KLRG2: variants seen among roughly 807,000 people sequenced by gnomAD.
KLRG2 encodes the protein killer cell lectin-like receptor subfamily G member 2.
In KLRG2, 39 loss-of-function variants were observed where a neutral mutation model predicts 35.4. That is an observed-to-expected ratio of 1.10 (90% CI 0.85 to 1.44). The LOEUF (loss-of-function observed/expected upper bound fraction) is 1.44, where lower values mean the gene tolerates loss of function less well. KLRG2 is among the 40% of genes most tolerant of loss of function. The pLI, the probability that KLRG2 is intolerant of heterozygous loss-of-function variation, is 0.00. For synonymous variants in KLRG2, 283 were observed against 265.8 expected (o/e 1.06, Z -0.63); for missense variants, 632 against 570.9 (o/e 1.11, Z -1.09).
At position 139,483,435 on chromosome 7, in the gene KLRG2, G is replaced by T. The variant is rs747915301; in HGVS notation, c.208C>A (p.Pro70Thr). ...GGGGACCCGGGGCGAGGCGAAGGCG[G>T]CTTTTTCTTGCTCGAGGGCTCCAGG... ...AGLEPSSKKK[P>T]PSPRPGSPRV... is the part of the protein sequence containing the mutation. Residue 70 changes from proline to threonine, a missense_variant, in exon 1 of 5, where the codon CCG (proline) becomes ACG (threonine). Physicochemically the swap from Pro to Thr is conservative, Grantham distance 38. Transcript: ENST00000340940. The T allele has an allele frequency of 1.9e-6, 3 of 1,570,434 alleles. No homozygotes were observed. The highest frequency in any genetic ancestry group is 1.1e-5 in the South Asian group (1 of 87,294).
the KLRG2 span, among the ~76,000 whole-genome samples, chr7:139,443,735 T>C: frequency 6.6e-6 from 1 of 152,096 alleles, no homozygotes; most frequent in Non-Finnish European, 1.5e-5. Flanking sequence ...CTAATTTTTG[T>C]ATTTTTAGTA....
At chr7:139,475,492 C>G (rs1796834097) in intron 3 of KLRG2, among the ~76,000 whole-genome samples, 1 of 150,650 alleles carries the variant, frequency 6.6e-6, no homozygotes, top group Non-Finnish European at 1.5e-5. Flanking sequence ...GATTGCACCT[C>G]TGCACTCCAG....
chr7:139,435,710 G>A, the KLRG2 span, among the ~76,000 whole-genome samples: 3 of 152,128 alleles, frequency 2.0e-5, no homozygotes, highest in Non-Finnish European at 4.4e-5. Context: ...AGACTTTCAT[G>A]CCGACTTCCT....
chr7:139,469,046 C>T (rs887019676), intron 3 of KLRG2, among the ~76,000 whole-genome samples: 3 of 152,250 alleles, frequency 2.0e-5, no homozygotes, highest in African/African-American at 7.2e-5. Context: ...AACCTGCTGA[C>T]ATCTTGATCT....
At chr7:139,471,201 T>C (rs1050308239) in intron 3 of KLRG2, among the ~76,000 whole-genome samples, 1 of 152,092 alleles carries the variant, frequency 6.6e-6, no homozygotes, top group African/African-American at 2.4e-5. Context: ...AGCCTGGAAG[T>C]AGGTATTCCA....
At position 139,483,012 on chromosome 7, in the gene KLRG2, C is replaced by T; in HGVS notation, c.631G>A (p.Gly211Ser). Residue 211 changes from glycine to serine, a missense_variant, in exon 1 of 5, where the codon GGC becomes AGC. By Grantham distance (56) the Gly-to-Ser change is moderately conservative (BLOSUM62 0). Coordinates refer to ENST00000340940, the MANE Select transcript of KLRG2 (RefSeq NM_198508.4). ...CAGCACGTGGGGGAGCCCGGGGAGCCGGCGCTTCCTTCCGCGGGGCTGGCC... is the reference window on the plus strand; with the variant it reads ...CAGCACGTGGGGGAGCCCGGGGAGCTGGCGCTTCCTTCCGCGGGGCTGGCC... ...GRASPAEGSA[G>S]SPGSPTCCRC... The T allele has an allele frequency of 7.3e-7, 1 of 1,372,804 alleles. No homozygotes were observed. Among genetic ancestry groups the T allele is most frequent in the Middle Eastern group, 2.6e-4 (1 of 3,800 alleles). The allele number at this position is 1,372,804 out of a possible 1,614,324, so 85.0% of individuals were successfully genotyped here. A position where few individuals can be genotyped will look rare whatever the true frequency, so the allele number is the denominator to read the frequency against.
chr7:139,462,160 C>T (rs750830969), intron 3 of KLRG2, among the ~76,000 whole-genome samples: 7 of 152,192 alleles, frequency 4.6e-5, no homozygotes, highest in Non-Finnish European at 1.0e-4. Context: ...AAAACTCCAT[C>T]GCTAGTTACG....
chr7:139,451,657 T>C (rs921104338), downstream of KLRG2, among the ~76,000 whole-genome samples: 1 of 152,176 alleles, frequency 6.6e-6, no homozygotes, highest in African/African-American at 2.4e-5. Flanking sequence ...TACTGCGTGC[T>C]GGGATGGAAA....
the KLRG2 span, among the ~76,000 whole-genome samples, chr7:139,431,699 T>C: frequency 1.2e-4 from 19 of 152,262 alleles, no homozygotes; most frequent in South Asian, 3.3e-3. Context: ...TTTCAAACAA[T>C]AGCAGCTGGC....
At chr7:139,480,591 G>A (rs1208003952) in intron 1 of KLRG2, among the ~76,000 whole-genome samples, 2 of 151,186 alleles carry the variant, frequency 1.3e-5, no homozygotes, top group East Asian at 1.9e-4. Flanking sequence ...GGTTACAGGT[G>A]CGTGCCACCA....
chr7:139,480,280 G>C lies in KLRG2; in HGVS notation c.758-33C>G, dbSNP rs746194789. 6 of 1,279,872 alleles carry C rather than the reference G, an allele frequency of 4.7e-6. 1 individual carries two copies. In the Admixed American group the frequency reaches 5.1e-5, roughly 11 times the overall value. The allele number at this position is 1,279,872 out of a possible 1,614,324, so 79.3% of individuals were successfully genotyped here. On this transcript the variant is annotated intron_variant, in intron 1 of 4. Coordinates refer to ENST00000340940, the MANE Select transcript of KLRG2 (RefSeq NM_198508.4). ...GGGGGCAAACAGGATAATCAGATTA[G>C]TGGAGACCATCCCAACCAACCCAAC...
At chr7:139,472,300 C>T (rs926550928) in intron 3 of KLRG2, among the ~76,000 whole-genome samples, 5 of 151,782 alleles carry the variant, frequency 3.3e-5, no homozygotes, top group African/African-American at 1.2e-4. Context: ...ACAAACAAAC[C>T]GCCACAAGAG....
At chr7:139,448,588 G>A (rs918741633), downstream of KLRG2, among the ~76,000 whole-genome samples, 8 of 152,084 alleles carry the variant, frequency 5.3e-5, no homozygotes, top group South Asian at 2.1e-4. Context: ...CCAGCTACTC[G>A]AGGCTGAGGC....
At chr7:139,427,565 G>A in the KLRG2 span, among the ~76,000 whole-genome samples, 1 of 152,170 alleles carries the variant, frequency 6.6e-6, no homozygotes, top group African/African-American at 2.4e-5. Flanking sequence ...TTGGCTACCT[G>A]TAAAAGAAAA....
chr7:139,474,296 G>T (rs1437083723), intron 3 of KLRG2, among the ~76,000 whole-genome samples: 1 of 152,074 alleles, frequency 6.6e-6, no homozygotes, highest in African/African-American at 2.4e-5. Flanking sequence ...AATGTGCTGG[G>T]ATTACAGGCA....
At chr7:139,448,263 T>A (rs1796332327), downstream of KLRG2, among the ~76,000 whole-genome samples, 1 of 152,150 alleles carries the variant, frequency 6.6e-6, no homozygotes, top group African/African-American at 2.4e-5. Flanking sequence ...CCTAAAGTCC[T>A]GTGATTACAG....
the KLRG2 span, among the ~76,000 whole-genome samples, chr7:139,436,323 C>T: frequency 6.6e-6 from 1 of 151,642 alleles, no homozygotes; most frequent in South Asian, 2.1e-4. Flanking sequence ...CTGCCCTTCC[C>T]CCACTGTCTA....
At chr7:139,480,439 CTTTTTTTTTTT>C (rs892455272) in intron 1 of KLRG2, among the ~76,000 whole-genome samples, 192 bp from the exon 2 acceptor site, 56 of 85,226 alleles carry the variant, frequency 6.6e-4, no homozygotes, top group Non-Finnish European at 1.0e-3. Flanking sequence ...GCCAGATATT[CTTTTTTTTTTT>C]TTTTTTTTTT....
At chr7:139,462,398 C>G (rs1015778336) in intron 3 of KLRG2, among the ~76,000 whole-genome samples, 2 of 148,172 alleles carry the variant, frequency 1.3e-5, no homozygotes, top group Non-Finnish European at 1.5e-5. Context: ...TCCCTTCTCT[C>G]TGTGTGTCTA....
Sources: gnomAD v4.1 joint callset for allele counts (sites outside exome capture counted in the v4.1 genomes callset) on GRCh38, gnomAD v4.1.1 for gene constraint, MANE v1.5 for transcripts, NCBI Gene and HGNC (gene_info 2026-07-23, HGNC 2026-07-21) for gene names.